SPINT1: variants seen among roughly 807,000 people sequenced by gnomAD.
SPINT1 encodes kunitz-type protease inhibitor 1.
A neutral mutation model predicts 53.7 loss-of-function variants in SPINT1; 38 were observed. The observed-to-expected ratio is 0.71, with a 90% CI of 0.55 to 0.93. SPINT1 has a LOEUF of 0.93. Among genes scored for constraint, SPINT1 ranks in the 40% least tolerant of loss-of-function variants. The pLI, the probability that SPINT1 is intolerant of heterozygous loss-of-function variation, is 0.00. For synonymous variants in SPINT1, 283 were observed against 280.6 expected (o/e 1.01, Z -0.08); for missense variants, 645 against 692.9 (o/e 0.93, Z 0.78).
At chr15:40,845,316 T>G (rs900080262) in intron 2 of SPINT1, among the ~76,000 whole-genome samples, 2 of 119,490 alleles carry the variant, frequency 1.7e-5, no homozygotes, top group African/African-American at 6.8e-5. Context: ...CAGACCCGGC[T>G]AATTTTTTTT....
intron 2 of SPINT1, among the ~76,000 whole-genome samples, chr15:40,850,716 T>C (rs774037374): frequency 2.0e-5 from 3 of 151,170 alleles, no homozygotes; most frequent in Non-Finnish European, 4.4e-5. Flanking sequence ...CATCTTTATC[T>C]CCATTCCCTT....
rs546841557 is a variant in SPINT1, at chr15:40,855,975, G to A, written c.1201G>A (p.Ala401Thr). 40 of 1,614,086 alleles carry A rather than the reference G, an allele frequency of 2.5e-5. No homozygotes were observed. The highest frequency in any genetic ancestry group is 5.5e-5 in the South Asian group (5 of 91,090). Residue 401 changes from alanine to threonine, a missense_variant, in exon 9 of 11, where the codon GCC becomes ACC. Ala to Thr is a moderately conservative substitution (Grantham distance 58). Coordinates refer to ENST00000562057, the MANE Select transcript of SPINT1 (RefSeq NM_003710.4). ...CTACAACCCCTTCAGCGAACACTGC[G>A]CCCGCTTTACCTATGGTGGTTGTTA... is the stretch of plus-strand genomic sequence containing the variant. ...WYYNPFSEHC[A>T]RFTYGGCYGN...
At chr15:40,852,769 C>G (rs186666268) in intron 2 of SPINT1, among the ~76,000 whole-genome samples, 13 of 151,000 alleles carry the variant, frequency 8.6e-5, no homozygotes, top group Non-Finnish European at 4.4e-5. Flanking sequence ...CTCACGAGGC[C>G]GAGGCAGGAG....
At chr15:40,852,321 A>G (rs1446656427) in intron 2 of SPINT1, among the ~76,000 whole-genome samples, 2 of 152,214 alleles carry the variant, frequency 1.3e-5, no homozygotes, top group Admixed American at 6.5e-5. Context: ...GGATGATCGC[A>G]TCTGGAGATC....
At chr15:40,847,006 C>T (rs1458943658) in intron 2 of SPINT1, among the ~76,000 whole-genome samples, 1 of 152,210 alleles carries the variant, frequency 6.6e-6, no homozygotes, top group Non-Finnish European at 1.5e-5. Flanking sequence ...ATGGGAGTCC[C>T]TCTCCAGAGC....
chr15:40,855,722 T>A (rs1891611633), intron 8 of SPINT1, 170 bp from the exon 9 acceptor site: 1 of 602,332 alleles, frequency 1.7e-6, no homozygotes, highest in Admixed American at 3.2e-5. Context: ...CCAGGGTTTG[T>A]CTTCCCTTTT....
At chr15:40,846,065 T>C (rs1234482190) in intron 2 of SPINT1, among the ~76,000 whole-genome samples, 1 of 152,202 alleles carries the variant, frequency 6.6e-6, no homozygotes, top group Non-Finnish European at 1.5e-5. Context: ...TGTTGGTATG[T>C]ATACCTAGTA....
In SPINT1 at chr15:40,853,591, G is replaced by A. The variant is rs772850260; in HGVS notation, c.706G>A (p.Val236Ile). ...AGACCACCCAGAGGACACGGCCAAC[G>A]TCACAGTCACTGTGCTGTCCACCAA... Reference protein sequence around the residue: ...SSDHPEDTANVTVTVLSTKQT... With the variant: ...SSDHPEDTANITVTVLSTKQT... Residue 236 changes from valine (V) to isoleucine (I), a missense_variant, in exon 4 of 11, where the codon GTC becomes ATC. By Grantham distance (29) the Val-to-Ile change is conservative. Transcript: ENST00000562057. 1.8e-5 allele frequency: 29 copies of A among 1,613,858 alleles called. No homozygotes were observed. Among genetic ancestry groups the A allele is most frequent in the East Asian group, 2.2e-5 (1 of 44,868 alleles).
At position 40,844,161 on chromosome 15, in the gene SPINT1, C is replaced by T. The variant is rs1367289225; in HGVS notation, c.-91C>T. ...GCTGGGACCGGAACCTCGGCGGACC[C>T]GGCCCCACCCAACTCACCTGCGCAG... is the stretch of plus-strand genomic sequence containing the variant. On this transcript the variant is annotated 5_prime_UTR_variant, in exon 1 of 11. Coordinates refer to ENST00000562057, the MANE Select transcript of SPINT1 (RefSeq NM_003710.4). This position sits in a 1 kb window ranked among gnomAD's most constrained non-coding sequence, Gnocchi z 5.8. The T allele has an allele frequency of 4.6e-6, 2 of 435,038 alleles. No homozygotes were observed. The highest frequency in any genetic ancestry group is 9.0e-5 in the East Asian group (1 of 11,076). 26.9% of individuals were successfully genotyped at this position (435,038 alleles called of 1,614,324 possible).
intron 2 of SPINT1, among the ~76,000 whole-genome samples, chr15:40,847,778 C>G (rs1174471200): frequency 1.3e-5 from 2 of 152,112 alleles, no homozygotes; most frequent in Non-Finnish European, 2.9e-5. Flanking sequence ...GATTCAGCCC[C>G]TGATTCAGCT....
chr15:40,853,265 C>G lies in SPINT1; in HGVS notation c.603+14C>G. ...GTCAGGGTAGAGGTGAGACACTGGG[C>G]TGACTCTGACCCCGCCCTCTGCCTG... On this transcript the variant is annotated intron_variant, in intron 3 of 10. Coordinates refer to ENST00000562057, the MANE Select transcript of SPINT1 (RefSeq NM_003710.4). The G allele has an allele frequency of 6.2e-7, 1 of 1,614,034 alleles. No homozygotes were observed. Among genetic ancestry groups the G allele is most frequent in the East Asian group, 2.2e-5 (1 of 44,878 alleles).
intron 10 of SPINT1, 85 bp downstream of exon 10, chr15:40,856,408 T>G: frequency 6.4e-7 from 1 of 1,553,576 alleles, no homozygotes; most frequent in African/African-American, 1.4e-5. Flanking sequence ...CAGCCTAACC[T>G]GTGTTGAGAA....
At chr15:40,848,811 T>TTC (rs1007708163) in intron 2 of SPINT1, among the ~76,000 whole-genome samples, 1 of 151,090 alleles carries the variant, frequency 6.6e-6, no homozygotes, top group Non-Finnish European at 1.5e-5. Context: ...TCTCTTGATA[T>TTC]TCTCTCTCTC....
chr15:40,853,141 G>A lies in SPINT1; in HGVS notation c.493G>A (p.Ala165Thr), dbSNP rs139263716. The part of the protein sequence containing the change: ...QGFGGSGIPK[A>T]WAGIDLKVQP... ...CCCGCCAGGGTCTGGGATCCCCAAG[G>A]CCTGGGCAGGCATAGACTTGAAGGT... The change falls in exon 3 of 11, where the codon GCC becomes ACC. Residue 165 changes from alanine to threonine, a missense_variant. Ala to Thr is a moderately conservative substitution (Grantham distance 58, BLOSUM62 0). Coordinates refer to ENST00000562057, the MANE Select transcript of SPINT1 (RefSeq NM_003710.4). 5 of 1,614,084 alleles carry A rather than the reference G, an allele frequency of 3.1e-6. No homozygotes were observed. The South Asian group carries it at 5.5e-5, about 18-fold the overall frequency.
intron 2 of SPINT1, among the ~76,000 whole-genome samples, chr15:40,849,354 C>T (rs1019364276): frequency 3.3e-5 from 5 of 152,166 alleles, no homozygotes; most frequent in African/African-American, 1.2e-4. Context: ...TCAAGCGATC[C>T]TCCCAACCTC....
chr15:40,849,017 C>T lies in SPINT1; in HGVS notation c.475+3988C>T, dbSNP rs534001027. Among the ~76,000 whole-genome samples the T allele has an allele frequency of 8.0e-5, 12 of 150,624 alleles. No homozygotes were observed. In the South Asian group the frequency reaches 8.4e-4, roughly 11 times the overall value. On this transcript the variant is annotated intron_variant, in intron 2 of 10. Coordinates refer to ENST00000562057, the MANE Select transcript of SPINT1 (RefSeq NM_003710.4). ...ATCCCAGAACTTTGGGAGGCCGGGGCGGGCGGATCACGAGGTCGGGAGATT... is the reference window on the plus strand; with the variant it reads ...ATCCCAGAACTTTGGGAGGCCGGGGTGGGCGGATCACGAGGTCGGGAGATT...
In SPINT1 at chr15:40,845,008, C is replaced by T; in HGVS notation, c.454C>T (p.Leu152=). ...TREVYRSYRQ[L]RTQGFGGSGI... is the part of the protein sequence containing the mutation. ...GGAAGTGTACCGCTCCTACCGCCAG[C>T]TGCGGACCCAGGGCTTTGGAGGTGA... Residue 152 remains leucine (L), a synonymous_variant, in exon 2 of 11, where the codon CTG becomes TTG. Coordinates refer to ENST00000562057, the MANE Select transcript of SPINT1 (RefSeq NM_003710.4). The T allele has an allele frequency of 6.2e-7, 1 of 1,610,360 alleles. No individual in the cohort carries two copies. The highest frequency in any genetic ancestry group is 8.5e-7 in the Non-Finnish European group (1 of 1,178,162).
At position 40,844,521 on chromosome 15, in the gene SPINT1, C is replaced by T. The variant is rs1891212008; in HGVS notation, c.-34C>T. ...AGCACCCTCGGAACCCAGAGGCCCG[C>T]GCTCTGAAGGTGACCCCCCTGGGGA... On this transcript the variant is annotated 5_prime_UTR_variant, in exon 2 of 11. Transcript: ENST00000562057. The surrounding 1 kb of genome is among the most constrained non-coding windows in gnomAD (Gnocchi z 5.8). 6.3e-7 allele frequency: 1 copy of T among 1,597,244 alleles called. No homozygotes were observed. The highest frequency in any genetic ancestry group is 1.7e-5 in the Admixed American group (1 of 59,954).
chr15:40,845,881 C>G (rs191636410), intron 2 of SPINT1, among the ~76,000 whole-genome samples: 5 of 152,280 alleles, frequency 3.3e-5, no homozygotes, highest in Admixed American at 3.3e-4. Flanking sequence ...CTTAGCATCT[C>G]TCTACCCCCT....
Sources: allele counts gnomAD v4.1 joint callset (sites outside exome capture counted in the v4.1 genomes callset), GRCh38; gene constraint gnomAD v4.1.1; non-coding constraint Gnocchi (gnomAD v3.1); transcripts MANE v1.5; gene names NCBI Gene and HGNC (gene_info 2026-07-23, HGNC 2026-07-21).